The following TMEM245 variants were observed in gnomAD, a reference collection of about 807,000 sequenced individuals.
TMEM245 encodes protein CG-2.
TMEM245 carries 69 observed loss-of-function variants against 101.2 expected under a neutral mutation model. The observed-to-expected ratio is 0.68, with a 90% confidence interval of 0.56 to 0.83. The LOEUF (loss-of-function observed/expected upper bound fraction) is 0.83. TMEM245 is among the 40% of genes least tolerant of loss of function. TMEM245 has a pLI of 0.00. For missense variants in TMEM245, 1,075 were observed against 1,092.8 expected (o/e 0.98, Z 0.23); for synonymous variants, 537 against 449.8 (o/e 1.19, Z -2.45).
chr9:109,086,338 C>T (rs1829836033), intron 6 of TMEM245, among the ~76,000 whole-genome samples: 1 of 152,122 alleles, frequency 6.6e-6, no homozygotes, highest in East Asian at 1.9e-4. Context: ...GTCTGCTTGC[C>T]CTTCTGGCCA....
intron 1 of TMEM245, among the ~76,000 whole-genome samples, chr9:109,112,226 A>G (rs1343967038): frequency 6.6e-6 from 1 of 152,136 alleles, no homozygotes; most frequent in African/African-American, 2.4e-5. Context: ...GAGAAAAAAG[A>G]TTTATACTGT....
rs751350617 is a variant in TMEM245, at chr9:109,036,369, T to C, written c.2236A>G (p.Ile746Val). ...IVFIPSALAA[I>V]LGAVPFLGTY... ...CCCAGGAATGGCACTGCTCCAAGGA[T>C]TGCTGCTAATGCTGAAAAAAGAGTA... is the stretch of plus-strand genomic sequence containing the variant. Residue 746 changes from isoleucine to valine, a missense_variant, in exon 16 of 18, where the codon ATC (isoleucine) becomes GTC (valine). This residue lies in a region of TMEM245 where 267 missense variants were observed against 351.3 expected (regional missense o/e 0.76). Transcript: ENST00000374586. The C allele has an allele frequency of 6.3e-7, 1 of 1,592,306 alleles. No individual in the cohort carries two copies. The highest frequency in any genetic ancestry group is 8.5e-7 in the Non-Finnish European group (1 of 1,174,182).
chr9:109,065,825 T>C (rs139497570), intron 9 of TMEM245, among the ~76,000 whole-genome samples: 74 of 152,238 alleles, frequency 4.9e-4, no homozygotes, highest in African/African-American at 1.7e-3. Flanking sequence ...TCATTTACTT[T>C]CCTGAGGCCC....
intron 12 of TMEM245, among the ~76,000 whole-genome samples, chr9:109,053,971 G>A (rs1407891425): frequency 1.2e-4 from 19 of 152,174 alleles, no homozygotes; most frequent in Non-Finnish European, 1.5e-5. Context: ...TATCTTTAAA[G>A]GAAGGGACAT....
chr9:109,073,115 T>G, intron 9 of TMEM245: 1 of 479,462 alleles, frequency 2.1e-6, no homozygotes, highest in East Asian at 3.6e-5. Flanking sequence ...AAACATGCTG[T>G]AAACCTCAAT....
chr9:109,115,411 T>C (rs1397636009), intron 1 of TMEM245, among the ~76,000 whole-genome samples: 2 of 151,128 alleles, frequency 1.3e-5, no homozygotes, highest in Non-Finnish European at 2.9e-5. Context: ...TGATGGGACC[T>C]GGAAAACTGC....
At chr9:109,061,265 G>A (rs632162) in intron 10 of TMEM245, among the ~76,000 whole-genome samples, 1,684 of 152,130 alleles carry the variant, frequency 0.011, 17 homozygotes, top group Non-Finnish European at 0.019. Flanking sequence ...GCAGTGAGCC[G>A]TGATCACGCC....
chr9:109,027,254 C>T (rs1411878877), intron 17 of TMEM245, among the ~76,000 whole-genome samples: 1 of 151,904 alleles, frequency 6.6e-6, no homozygotes, highest in Non-Finnish European at 1.5e-5. Context: ...AGCAGTAAGA[C>T]AACACCCTCT....
intron 6 of TMEM245, among the ~76,000 whole-genome samples, chr9:109,086,760 G>A (rs1829851375): frequency 6.6e-6 from 1 of 152,160 alleles, no homozygotes; most frequent in African/African-American, 2.4e-5. Context: ...CAAGGCTTCT[G>A]TATCTGGTTT....
chr9:109,050,788 T>C (rs1349969446), intron 12 of TMEM245, 96 bp from the exon 13 acceptor site: 1 of 1,320,682 alleles, frequency 7.6e-7, no homozygotes, highest in East Asian at 2.4e-5. Flanking sequence ...TTTAGTACCA[T>C]GAACTGAAAA....
chr9:109,049,823 C>A lies in TMEM245; in HGVS notation c.2123+460G>T, dbSNP rs374351939. ...TCTCCAAAAAACAAAGAAACAGGAT[C>A]TTGCTCTGTCACCAAGGCTGGAGCG... On this transcript the variant is annotated intron_variant, in intron 14 of 17. Coordinates refer to ENST00000374586, the MANE Select transcript of TMEM245 (RefSeq NM_032012.4). Among the ~76,000 whole-genome samples the A allele has an allele frequency of 4.0e-4, 61 of 152,238 alleles. 1 individual carries two copies. The highest frequency in any genetic ancestry group is 3.9e-3 in the East Asian group (20 of 5,168).
At chr9:109,072,968 G>A (rs1023889120) in intron 9 of TMEM245, among the ~76,000 whole-genome samples, 4 of 152,140 alleles carry the variant, frequency 2.6e-5, no homozygotes, top group South Asian at 2.1e-4. Flanking sequence ...CTGCCACTGC[G>A]GAATTATTAT....
chr9:109,064,528 A>ATTCAG lies in TMEM245; in HGVS notation c.1567_1571dup (p.Ser525Ter). On this transcript the variant is annotated stop_gained and frameshift_variant, in exon 10 of 18. Transcript: ENST00000374586. LOFTEE classifies it high-confidence loss of function. The stretch of plus-strand genomic sequence containing the variant: ...ACTGATACACGTTGTTAGCCGCAGA[A>ATTCAG]TTCAGGGCTCTTTGGACTACCTGAG... 6.2e-7 allele frequency: 1 copy of ATTCAG among 1,614,028 alleles called. No homozygotes were observed. The highest frequency in any genetic ancestry group is 8.5e-7 in the Non-Finnish European group (1 of 1,179,888).
chr9:109,059,827 T>A (rs1278917713), intron 11 of TMEM245, among the ~76,000 whole-genome samples: 1 of 152,134 alleles, frequency 6.6e-6, no homozygotes, highest in Non-Finnish European at 1.5e-5. Context: ...CACATGTGGC[T>A]ACTGAGCACT....
chr9:109,114,153 T>A (rs1830646124), intron 1 of TMEM245, among the ~76,000 whole-genome samples: 1 of 152,168 alleles, frequency 6.6e-6, no homozygotes, highest in South Asian at 2.1e-4. Context: ...AATCATAGCC[T>A]CAAGCAGCAA....
chr9:109,035,940 C>CAA (rs10552841), intron 16 of TMEM245: 16 of 73,192 alleles, frequency 2.2e-4, no homozygotes, highest in South Asian at 1.9e-3. Context: ...GATATTGTCT[C>CAA]AAAAAAAAAA....
intron 10 of TMEM245, among the ~76,000 whole-genome samples, chr9:109,063,512 A>G (rs532856937): frequency 6.6e-6 from 1 of 152,292 alleles, no homozygotes; most frequent in East Asian, 1.9e-4. Flanking sequence ...ACATACTAAT[A>G]TATTTTTCTA....
chr9:109,061,755 G>A (rs374976227), intron 10 of TMEM245, among the ~76,000 whole-genome samples: 19 of 152,122 alleles, frequency 1.2e-4, no homozygotes, highest in African/African-American at 4.6e-4. Context: ...TTTTAGTAGA[G>A]ATGGGGTTTC....
intron 12 of TMEM245, among the ~76,000 whole-genome samples, chr9:109,052,369 T>C (rs1412241068): frequency 6.6e-6 from 1 of 152,240 alleles, no homozygotes; most frequent in Non-Finnish European, 1.5e-5. Flanking sequence ...AGCTAGTAAG[T>C]GGAACTAGAG....
Sources: allele counts gnomAD v4.1 joint callset (sites outside exome capture counted in the v4.1 genomes callset), GRCh38; gene constraint gnomAD v4.1.1; regional missense constraint gnomAD v4.1.1; transcripts MANE v1.5; gene names NCBI Gene and HGNC (gene_info 2026-07-23, HGNC 2026-07-21).